CLVS1: variants seen among roughly 807,000 people sequenced by gnomAD.
The protein encoded by CLVS1 is clavesin-1.
A neutral mutation model predicts 33.1 loss-of-function variants in CLVS1; 10 were observed. The observed-to-expected ratio is 0.30, with a 90% CI of 0.19 to 0.51. CLVS1 has a LOEUF of 0.51. Ranked by LOEUF, CLVS1 falls within the 20% of genes least tolerant of loss-of-function variation. The pLI is 0.97. For synonymous variants in CLVS1, 163 were observed against 166.1 expected, an observed-to-expected ratio of 0.98 and a Z score of 0.14; for missense variants, 343 against 433.4, an observed-to-expected ratio of 0.79 and a Z score of 1.85.
At chr8:61,235,058 T>C (rs1364214601) in intron 2 of CLVS1, among the ~76,000 whole-genome samples, 2 of 152,308 alleles carry the variant, frequency 1.3e-5, no homozygotes, top group East Asian at 1.9e-4. Flanking sequence ...ACGAACCTAG[T>C]AGCCACTTAA....
intron 2 of CLVS1, among the ~76,000 whole-genome samples, chr8:61,333,697 T>G (rs538922098): frequency 6.6e-6 from 1 of 152,048 alleles, no homozygotes; most frequent in African/African-American, 2.4e-5. Context: ...GCAAAAAGGG[T>G]TTGCTTTTAT....
chr8:61,305,608 G>C (rs571249705), intron 2 of CLVS1, among the ~76,000 whole-genome samples: 2 of 152,118 alleles, frequency 1.3e-5, no homozygotes, highest in Admixed American at 6.5e-5. Context: ...TTGTTACGTA[G>C]GTAAACTTGT....
At chr8:61,065,488 AG>A (rs1217203351) in intron 1 of CLVS1, among the ~76,000 whole-genome samples, 7 of 152,208 alleles carry the variant, frequency 4.6e-5, no homozygotes, top group Admixed American at 4.6e-4. Flanking sequence ...AGGTGAAGGG[AG>A]TCTGAATTGA....
upstream of CLVS1, among the ~76,000 whole-genome samples, chr8:61,053,256 G>A (rs1804416118): frequency 5.3e-5 from 8 of 152,292 alleles, no homozygotes; most frequent in South Asian, 1.7e-3. Flanking sequence ...TAAGGTTGCA[G>A]GATGCAATGA....
chr8:61,354,850 G>A (rs920749580), intron 2 of CLVS1, among the ~76,000 whole-genome samples: 4 of 152,180 alleles, frequency 2.6e-5, no homozygotes, highest in African/African-American at 7.2e-5. Context: ...AGGGCAACAT[G>A]TAGGGTCTTT....
At chr8:61,062,985 T>C (rs1313030432) in intron 1 of CLVS1, among the ~76,000 whole-genome samples, 2 of 152,202 alleles carry the variant, frequency 1.3e-5, no homozygotes, top group East Asian at 3.8e-4. Context: ...AAGCACTTTA[T>C]ATGCATTATG....
At chr8:61,149,561 AAAAAAAAC>A (rs1193960167) in intron 2 of CLVS1, among the ~76,000 whole-genome samples, 3 of 149,766 alleles carry the variant, frequency 2.0e-5, no homozygotes, top group Non-Finnish European at 4.4e-5. Context: ...CAAAAAAAAA[AAAAAAAAC>A]AAAAAACAAA....
intron 2 of CLVS1, among the ~76,000 whole-genome samples, chr8:61,225,466 G>T (rs2129310661): frequency 1.3e-5 from 2 of 152,242 alleles, no homozygotes; most frequent in African/African-American, 4.8e-5. Context: ...TTATTTTTAA[G>T]TGTGATTATT....
chr8:61,125,601 T>C (rs1805954606), intron 1 of CLVS1, among the ~76,000 whole-genome samples: 1 of 152,224 alleles, frequency 6.6e-6, no homozygotes, highest in African/African-American at 2.4e-5. Context: ...TGGACTCTCA[T>C]ACTTGGGGGA....
At position 61,500,333 on chromosome 8, in the gene CLVS1, G is replaced by GTGA. The variant is rs932974516; in HGVS notation, c.*793_*795dup. On this transcript the variant is annotated 3_prime_UTR_variant, in exon 6 of 6. Transcript: ENST00000325897. ...GATGTCTCATGAAAATCACATGTCA[G>GTGA]TGATTAATGAATCCATTCCAGTTGC... 1 of 152,176 alleles carries GTGA rather than the reference G, an allele frequency of 6.6e-6. No individual in the cohort carries two copies. Among genetic ancestry groups the GTGA allele is most frequent in the Non-Finnish European group, 1.5e-5 (1 of 68,034 alleles). 9.4% of individuals were successfully genotyped at this position (152,176 alleles called of 1,614,324 possible). A position where few individuals can be genotyped will look rare whatever the true frequency, so the allele number is the denominator to read the frequency against.
intron 5 of CLVS1, among the ~76,000 whole-genome samples, chr8:61,485,677 A>C (rs1803852484): frequency 1.3e-5 from 2 of 152,262 alleles, no homozygotes; most frequent in African/African-American, 4.8e-5. Flanking sequence ...TCACAATAGC[A>C]AAGACTTAGA....
intron 2 of CLVS1, among the ~76,000 whole-genome samples, chr8:61,354,195 C>G (rs555144003): frequency 6.6e-6 from 1 of 152,172 alleles, no homozygotes; most frequent in South Asian, 2.1e-4. Context: ...ATGTTCTCTT[C>G]TAGCTCACTT....
chr8:61,003,282 G>A, the CLVS1 span, among the ~76,000 whole-genome samples: 3 of 152,236 alleles, frequency 2.0e-5, no homozygotes, highest in African/African-American at 7.2e-5. Context: ...TGACTTAAAA[G>A]AAAAAGTATG....
At chr8:61,040,823 T>A in the CLVS1 span, among the ~76,000 whole-genome samples, 1 of 152,244 alleles carries the variant, frequency 6.6e-6, no homozygotes, top group African/African-American at 2.4e-5. Context: ...GTGCAAAAGC[T>A]GTTTAGTTTA....
At chr8:61,280,531 T>C (rs1207051373) in intron 2 of CLVS1, among the ~76,000 whole-genome samples, 1 of 152,244 alleles carries the variant, frequency 6.6e-6, no homozygotes, top group Non-Finnish European at 1.5e-5. Flanking sequence ...TTAGGCATGT[T>C]ACTTAAACTC....
chr8:61,120,726 C>G (rs1256931269), intron 1 of CLVS1, among the ~76,000 whole-genome samples: 1 of 142,650 alleles, frequency 7.0e-6, no homozygotes, highest in Non-Finnish European at 1.5e-5. Context: ...GGCAGTCTGC[C>G]CGTTCTCAGA....
rs143835992 is a variant in CLVS1 at position 61,376,797 on chromosome 8, G to A, written c.630+18G>A. The A allele has an allele frequency of 1.4e-3, 2,319 of 1,606,228 alleles. No individual in the cohort carries two copies. The highest frequency in any genetic ancestry group is 1.9e-3 in the Non-Finnish European group (2,193 of 1,174,344). On this transcript the variant is annotated intron_variant, in intron 3 of 5. Coordinates refer to ENST00000325897, the MANE Select transcript of CLVS1 (RefSeq NM_173519.3). The stretch of plus-strand genomic sequence containing the variant: ...GGTTGCAGGTATGTTCAATGAATGC[G>A]CAATACAAGACCATGTGTGGCAACA...
At chr8:61,488,275 A>G (rs577250606) in intron 5 of CLVS1, among the ~76,000 whole-genome samples, 1 of 152,256 alleles carries the variant, frequency 6.6e-6, no homozygotes, top group South Asian at 2.1e-4. Context: ...TGAAACTCTA[A>G]GGCTTCTATA....
At chr8:61,443,869 A>G (rs1001554509) in intron 3 of CLVS1, among the ~76,000 whole-genome samples, 1 of 152,124 alleles carries the variant, frequency 6.6e-6, no homozygotes. Context: ...ATCTACAAAC[A>G]TATGTCTTCC....
Sources: allele counts gnomAD v4.1 joint callset (sites outside exome capture counted in the v4.1 genomes callset), GRCh38; gene constraint gnomAD v4.1.1; transcripts MANE v1.5; gene names NCBI Gene and HGNC (gene_info 2026-07-23, HGNC 2026-07-21).